The following ATP2B1 variants were observed in gnomAD, a reference collection of about 807,000 sequenced individuals.
The protein encoded by ATP2B1 is ATPase plasma membrane Ca2+ transporting 1.
In ATP2B1, 14 loss-of-function variants were observed where a neutral mutation model predicts 124.2. That is an observed-to-expected ratio of 0.11 (90% CI 0.07 to 0.18). The LOEUF (loss-of-function observed/expected upper bound fraction) is 0.18. Ranked by LOEUF, ATP2B1 falls within the 10% of genes least tolerant of loss-of-function variation. The pLI is 1.00. For synonymous variants in ATP2B1, 449 were observed against 492.4 expected, an observed-to-expected ratio of 0.91 and a Z score of 1.17; for missense variants, 763 against 1,466.1, an observed-to-expected ratio of 0.52 and a Z score of 7.83.
At chr12:89,661,074 C>A (rs1351914784) in intron 1 of ATP2B1, among the ~76,000 whole-genome samples, 1 of 152,060 alleles carries the variant, frequency 6.6e-6, no homozygotes, top group Non-Finnish European at 1.5e-5. Context: ...GATAAAGACA[C>A]TTTATTTTCA....
At chr12:89,629,090 A>G (rs1259434235) in intron 6 of ATP2B1, among the ~76,000 whole-genome samples, 1 of 152,218 alleles carries the variant, frequency 6.6e-6, no homozygotes, top group African/African-American at 2.4e-5. Context: ...TATAAGACTC[A>G]GGGGGAAAAG....
rs147972789 is a variant in ATP2B1 at position 89,664,143 on chromosome 12, C to T, written c.-221-8036G>A. On this transcript the variant is annotated intron_variant, in intron 1 of 20. Coordinates refer to ENST00000428670, the MANE Select transcript of ATP2B1 (RefSeq NM_001366521.1). ...AGTGAAAGTGTAAAAAAGAAAAAACCACCCAGGTTTTCTTATCCTAAAGGC... is the reference window on the plus strand; with the variant it reads ...AGTGAAAGTGTAAAAAAGAAAAAACTACCCAGGTTTTCTTATCCTAAAGGC... 2.2e-4 allele frequency among the ~76,000 whole-genome samples: 33 copies of T among 152,044 alleles called. 1 individual carries two copies. Among genetic ancestry groups the T allele is most frequent in the African/African-American group, 5.5e-4 (23 of 41,452 alleles).
chr12:89,623,751 C>G (rs908516375), intron 9 of ATP2B1, among the ~76,000 whole-genome samples: 1 of 152,202 alleles, frequency 6.6e-6, no homozygotes, highest in Admixed American at 6.5e-5. Flanking sequence ...AAGGAGTTTG[C>G]ATTTTACTCT....
chr12:89,707,303 C>T (rs539490135), intron 1 of ATP2B1, among the ~76,000 whole-genome samples: 1 of 152,252 alleles, frequency 6.6e-6, no homozygotes, highest in African/African-American at 2.4e-5. Context: ...AAACCAGGCC[C>T]TTACAAGTAC....
chr12:89,639,713 TAGATTA>T (rs1274602869), intron 3 of ATP2B1, among the ~76,000 whole-genome samples: 1 of 152,120 alleles, frequency 6.6e-6, no homozygotes, highest in East Asian at 1.9e-4. Flanking sequence ...CCGACAGCTC[TAGATTA>T]TCTTCTCAGT....
intron 18 of ATP2B1, 57 bp from the exon 19 acceptor site, chr12:89,601,490 CT>C: frequency 1.8e-6 from 2 of 1,102,030 alleles, no homozygotes; most frequent in South Asian, 1.6e-5. Context: ...AATTCATATA[CT>C]TAAAAAAATA....
intron 15 of ATP2B1, among the ~76,000 whole-genome samples, chr12:89,606,931 T>C (rs1469228103): frequency 1.3e-5 from 2 of 152,178 alleles, no homozygotes; most frequent in Non-Finnish European, 2.9e-5. Context: ...ATTCTCATCA[T>C]ACCCATATTA....
chr12:89,645,017 C>G (rs1428998731), intron 2 of ATP2B1, among the ~76,000 whole-genome samples: 3 of 152,104 alleles, frequency 2.0e-5, no homozygotes, highest in Admixed American at 6.5e-5. Flanking sequence ...GACACTATAC[C>G]AATAAAACTA....
intron 1 of ATP2B1, among the ~76,000 whole-genome samples, chr12:89,677,954 T>TATATATATATATGTATATATATA (rs1888818063): frequency 1.5e-5 from 1 of 68,762 alleles, no homozygotes; most frequent in Non-Finnish European, 2.9e-5. Context: ...CATGCAGGAA[T>TATATATATATATGTATATATATA]TATATATATA....
At chr12:89,693,700 T>C (rs1890801726) in intron 1 of ATP2B1, among the ~76,000 whole-genome samples, 1 of 152,226 alleles carries the variant, frequency 6.6e-6, no homozygotes, top group Non-Finnish European at 1.5e-5. Context: ...TTTCTGAAAT[T>C]TGCTCTCTTT....
At chr12:89,630,765 A>C (rs1299589976) in intron 5 of ATP2B1, 120 bp from the exon 6 acceptor site, 2 of 285,086 alleles carry the variant, frequency 7.0e-6, no homozygotes, top group Non-Finnish European at 1.2e-5. Flanking sequence ...AAATATATAT[A>C]AATATAAATA....
At chr12:89,690,728 A>G (rs995974890) in intron 1 of ATP2B1, among the ~76,000 whole-genome samples, 12 of 152,242 alleles carry the variant, frequency 7.9e-5, no homozygotes, top group Admixed American at 7.9e-4. Flanking sequence ...GAAATACCAC[A>G]TTTAATCAAG....
At chr12:89,615,616 T>C (rs1171562310) in intron 12 of ATP2B1, among the ~76,000 whole-genome samples, 1 of 152,202 alleles carries the variant, frequency 6.6e-6, no homozygotes, top group African/African-American at 2.4e-5. Context: ...AGTGCTTTTA[T>C]TTATGTTGCT....
chr12:89,645,721 GGAGGAAAGAAGA>G (rs1324519270), intron 2 of ATP2B1, among the ~76,000 whole-genome samples: 3 of 152,180 alleles, frequency 2.0e-5, no homozygotes, highest in South Asian at 2.1e-4. Context: ...CAGTGACCCT[GGAGGAAAGAAGA>G]GAGGGTCAAA....
At chr12:89,696,600 A>C (rs544878245) in intron 1 of ATP2B1, among the ~76,000 whole-genome samples, 1 of 152,332 alleles carries the variant, frequency 6.6e-6, no homozygotes, top group South Asian at 2.1e-4. Context: ...TTAAAGTGTT[A>C]AAACTAGCTA....
At position 89,621,753 on chromosome 12, in the gene ATP2B1, A is replaced by C; in HGVS notation, c.1383T>G (p.Asp461Glu). The change falls in exon 10 of 21, where the codon GAT (aspartate) becomes GAG (glutamate). Residue 461 changes from aspartate to glutamate, a missense_variant. Physicochemically the swap from Asp to Glu is conservative, Grantham distance 45 (BLOSUM62 2). This residue lies in a region of ATP2B1 where 392 missense variants were observed against 776.6 expected (regional missense o/e 0.50). Transcript: ENST00000428670. ...MKDNNLVRHL[D>E]ACETMGNATA... ...TAGCATTTCCCATGGTTTCACAAGC[A>C]TCCAGATGCCTTACTAAGTTATTAT... is the stretch of plus-strand genomic sequence containing the variant. 6.3e-7 allele frequency: 1 copy of C among 1,599,028 alleles called. No homozygotes were observed. Among genetic ancestry groups the C allele is most frequent in the Non-Finnish European group, 8.5e-7 (1 of 1,173,506 alleles).
intron 1 of ATP2B1, among the ~76,000 whole-genome samples, chr12:89,658,738 C>T (rs1216787225): frequency 6.6e-6 from 1 of 151,376 alleles, no homozygotes; most frequent in Non-Finnish European, 1.5e-5. Context: ...TGATCTTTTC[C>T]GTAATCTGTC....
intron 1 of ATP2B1, among the ~76,000 whole-genome samples, chr12:89,671,862 T>A (rs1330783345): frequency 6.7e-6 from 1 of 149,852 alleles, no homozygotes; most frequent in Non-Finnish European, 1.5e-5. Flanking sequence ...GAGACAAAAA[T>A]TAGGTAACTG....
At position 89,660,503 on chromosome 12, in the gene ATP2B1, G is replaced by A. The variant is rs1000440209; in HGVS notation, c.-221-4396C>T. On this transcript the variant is annotated intron_variant, in intron 1 of 20. Transcript: ENST00000428670. ...TTTGGTGTTAATTAGCATGACTGAT[G>A]TAAGTGCCTTCCCTCACTCCCAAAG... Among the ~76,000 whole-genome samples the A allele has an allele frequency of 2.6e-5, 4 of 152,304 alleles. No homozygotes were observed. The East Asian group carries it at 5.8e-4, about 22-fold the overall frequency.
Sources: gnomAD v4.1 joint callset for allele counts (sites outside exome capture counted in the v4.1 genomes callset) on GRCh38, gnomAD v4.1.1 for gene constraint, gnomAD v4.1.1 regional missense constraint, MANE v1.5 for transcripts, NCBI Gene and HGNC (gene_info 2026-07-23, HGNC 2026-07-21) for gene names.